The following GSK3B variants were observed in gnomAD, a reference collection of about 807,000 sequenced individuals.
GSK3B encodes the protein glycogen synthase kinase 3 beta, also known as glycogen synthase kinase-3 beta.
A neutral mutation model predicts 56.4 loss-of-function variants in GSK3B; 15 were observed. That is an observed-to-expected ratio of 0.27 (90% confidence interval 0.18 to 0.41). The LOEUF is 0.41. Among genes scored for constraint, GSK3B ranks in the 10% least tolerant of loss-of-function variants. The pLI is 1.00. For synonymous variants in GSK3B, 181 were observed against 188.9 expected, an observed-to-expected ratio of 0.96 and a Z score of 0.34; for missense variants, 300 against 513.4, an observed-to-expected ratio of 0.58 and a Z score of 4.02.
intron 1 of GSK3B, among the ~76,000 whole-genome samples, chr3:120,032,161 G>C (rs76733662): frequency 0.018 from 2,742 of 152,068 alleles, 90 homozygotes; most frequent in African/African-American, 0.063. Flanking sequence ...TTATATATTG[G>C]GGTAAATAAA....
chr3:120,005,307 T>C (rs903271534), intron 1 of GSK3B, among the ~76,000 whole-genome samples: 1 of 152,196 alleles, frequency 6.6e-6, no homozygotes, highest in Non-Finnish European at 1.5e-5. Flanking sequence ...TTGAATGGTG[T>C]ACCTGAAAGT....
chr3:120,006,049 A>C (rs892982285), intron 1 of GSK3B, among the ~76,000 whole-genome samples: 1 of 152,200 alleles, frequency 6.6e-6, no homozygotes, highest in Admixed American at 6.5e-5. Flanking sequence ...GTGCAAAGAC[A>C]CACATAGGCT....
At chr3:119,987,954 A>C (rs939519399) in intron 2 of GSK3B, among the ~76,000 whole-genome samples, 14 of 152,180 alleles carry the variant, frequency 9.2e-5, no homozygotes, top group African/African-American at 3.4e-4. Flanking sequence ...TTATGTTAAA[A>C]TTATTGTGTG....
intron 1 of GSK3B, among the ~76,000 whole-genome samples, chr3:120,057,288 T>A (rs2058199209): frequency 6.6e-6 from 1 of 152,208 alleles, no homozygotes; most frequent in Non-Finnish European, 1.5e-5. Flanking sequence ...GGTCGCCAGA[T>A]AAATTCTAGG....
intron 2 of GSK3B, among the ~76,000 whole-genome samples, chr3:119,951,384 C>T (rs2057155077): frequency 6.6e-6 from 1 of 152,186 alleles, no homozygotes; most frequent in Non-Finnish European, 1.5e-5. Flanking sequence ...CCAGCCTGAC[C>T]AGCATGGTGA....
At chr3:119,943,166 G>C (rs1428998640) in intron 3 of GSK3B, among the ~76,000 whole-genome samples, 1 of 152,108 alleles carries the variant, frequency 6.6e-6, no homozygotes, top group Admixed American at 6.6e-5. Context: ...ATAAAAAGAA[G>C]GTTACCAAAA....
At chr3:119,865,396 T>C (rs1052580960) in intron 8 of GSK3B, among the ~76,000 whole-genome samples, 1 of 142,996 alleles carries the variant, frequency 7.0e-6, no homozygotes, top group Admixed American at 7.2e-5. Flanking sequence ...AGATTTTGTG[T>C]TAAAGCTATT....
At chr3:120,030,307 G>A (rs533972245) in intron 1 of GSK3B, among the ~76,000 whole-genome samples, 1 of 151,934 alleles carries the variant, frequency 6.6e-6, no homozygotes, top group Non-Finnish European at 1.5e-5. Context: ...TAAATACATG[G>A]TATTTATCCA....
intron 8 of GSK3B, chr3:119,866,704 T>C (rs1172510803): frequency 2.2e-6 from 2 of 900,634 alleles, no homozygotes; most frequent in East Asian, 2.5e-5. Context: ...CAAGGAAAAA[T>C]ATATCCAATG....
chr3:119,940,461 A>G (rs1485396739), intron 3 of GSK3B, among the ~76,000 whole-genome samples: 1 of 152,162 alleles, frequency 6.6e-6, no homozygotes, highest in East Asian at 1.9e-4. Context: ...AAATGAGTAC[A>G]TATACATACA....
At chr3:119,951,506 G>T (rs546125492) in intron 2 of GSK3B, among the ~76,000 whole-genome samples, 88 of 152,300 alleles carry the variant, frequency 5.8e-4, no homozygotes, top group Non-Finnish European at 1.1e-3. Context: ...AGGAGGTGGA[G>T]CCTGCAGTAA....
intron 2 of GSK3B, among the ~76,000 whole-genome samples, chr3:119,979,812 G>T (rs1006239016): frequency 1.3e-5 from 2 of 152,092 alleles, no homozygotes; most frequent in African/African-American, 4.8e-5. Flanking sequence ...CCATTTTGGG[G>T]AAAAATCTGT....
At chr3:119,883,593 CAA>C (rs1371453204) in intron 7 of GSK3B, among the ~76,000 whole-genome samples, 2 of 152,076 alleles carry the variant, frequency 1.3e-5, no homozygotes, top group African/African-American at 4.8e-5. Flanking sequence ...CAACCACAAA[CAA>C]AAGTTTATTT....
chr3:120,037,899 C>T (rs1413813314), intron 1 of GSK3B, among the ~76,000 whole-genome samples: 1 of 151,912 alleles, frequency 6.6e-6, no homozygotes, highest in African/African-American at 2.4e-5. Flanking sequence ...TCCTGTAATA[C>T]ACTATAGAGA....
intron 1 of GSK3B, among the ~76,000 whole-genome samples, chr3:120,088,530 G>T (rs888555649): frequency 6.6e-6 from 1 of 152,080 alleles, no homozygotes; most frequent in Admixed American, 6.5e-5. Context: ...AAGATAAAAT[G>T]CCAAGAGTGC....
chr3:120,009,722 G>C (rs1471940718), intron 1 of GSK3B, among the ~76,000 whole-genome samples: 1 of 152,074 alleles, frequency 6.6e-6, no homozygotes, highest in African/African-American at 2.4e-5. Context: ...ATAACATTAG[G>C]AGAAATACCT....
At chr3:119,945,822 T>C (rs549572687) in intron 3 of GSK3B, among the ~76,000 whole-genome samples, 2 of 152,134 alleles carry the variant, frequency 1.3e-5, no homozygotes, top group African/African-American at 4.8e-5. Flanking sequence ...ATGGAACAAA[T>C]AATTCTTACC....
At chr3:120,088,822 T>A (rs1023292720) in intron 1 of GSK3B, among the ~76,000 whole-genome samples, 3 of 152,220 alleles carry the variant, frequency 2.0e-5, no homozygotes, top group African/African-American at 7.2e-5. Flanking sequence ...GGGTGGAGCA[T>A]CACAAGAAGC....
intron 3 of GSK3B, among the ~76,000 whole-genome samples, chr3:119,937,334 C>T (rs995305314): frequency 2.0e-5 from 3 of 151,986 alleles, no homozygotes; most frequent in Non-Finnish European, 4.4e-5. Flanking sequence ...CTATGAGTTC[C>T]CTCCCACTAC....
Sources: allele counts gnomAD v4.1 joint callset (sites outside exome capture counted in the v4.1 genomes callset), GRCh38; gene constraint gnomAD v4.1.1; transcripts MANE v1.5; gene names NCBI Gene and HGNC (gene_info 2026-07-23, HGNC 2026-07-21).